SUSD6: variants seen among roughly 807,000 people sequenced by gnomAD.
The protein encoded by SUSD6 is sushi domain-containing protein 6.
SUSD6 carries 16 observed loss-of-function variants against 28.4 expected under a neutral mutation model. The ratio of observed to expected loss-of-function variants is 0.56; its 90% confidence interval spans 0.38 to 0.86. SUSD6 has a LOEUF of 0.86. SUSD6 is among the 40% of genes least tolerant of loss of function. The probability of loss-of-function intolerance (pLI) is 0.00; values close to 1 mark genes in which losing one functional copy is unlikely to be tolerated. For synonymous variants in SUSD6, 147 were observed against 159.6 expected, an observed-to-expected ratio of 0.92 and a Z score of 0.59; for missense variants, 341 against 384.2, an observed-to-expected ratio of 0.89 and a Z score of 0.94.
rs896266225 is a variant in SUSD6 at position 69,627,743 on chromosome 14, C to T, written c.-81+15915C>T. 4.6e-5 allele frequency among the ~76,000 whole-genome samples: 7 copies of T among 152,160 alleles called. No individual in the cohort carries two copies. The South Asian group carries it at 6.2e-4, about 14-fold the overall frequency. ...CCTCCCAAAGTGCTGGGATTACAGG[C>T]GTGAGCCACCGTGCCCGGCCCAGAT... On this transcript the variant is annotated intron_variant, in intron 1 of 5. Transcript: ENST00000342745.
chr14:69,671,462 G>T (rs531781026), intron 2 of SUSD6, among the ~76,000 whole-genome samples: 2 of 152,196 alleles, frequency 1.3e-5, no homozygotes, highest in Non-Finnish European at 2.9e-5. Context: ...CCTGGCCTCA[G>T]TTCAGCCAAC....
At chr14:69,644,953 A>G (rs917955362) in intron 1 of SUSD6, among the ~76,000 whole-genome samples, 2 of 152,162 alleles carry the variant, frequency 1.3e-5, no homozygotes, top group African/African-American at 4.8e-5. Flanking sequence ...CGGCAGGGGC[A>G]TGGGGCTAAT....
At chr14:69,690,608 C>T (rs1051037373) in intron 2 of SUSD6, among the ~76,000 whole-genome samples, 16 of 152,148 alleles carry the variant, frequency 1.1e-4, no homozygotes, top group African/African-American at 3.9e-4. Context: ...CCTCACTGTC[C>T]AGAATCAGTT....
intron 2 of SUSD6, among the ~76,000 whole-genome samples, chr14:69,680,717 G>A (rs765324561): frequency 6.6e-6 from 1 of 152,096 alleles, no homozygotes; most frequent in Non-Finnish European, 1.5e-5. Flanking sequence ...TGTGGTATGT[G>A]CCCCCAAAGC....
At chr14:69,672,468 A>G (rs1885847561) in intron 2 of SUSD6, among the ~76,000 whole-genome samples, 1 of 152,208 alleles carries the variant, frequency 6.6e-6, no homozygotes, top group Admixed American at 6.5e-5. Flanking sequence ...AAGGCTAAGA[A>G]GAGCAGCTTT....
intron 1 of SUSD6, among the ~76,000 whole-genome samples, chr14:69,640,309 A>G (rs1885332962): frequency 6.6e-6 from 1 of 151,810 alleles, no homozygotes; most frequent in African/African-American, 2.4e-5. Context: ...AAAAATTTAT[A>G]TATATATACA....
At position 69,641,197 on chromosome 14, in the gene SUSD6, G is replaced by GT. The variant is rs550962047; in HGVS notation, c.-80-17309dup. Among the ~76,000 whole-genome samples the GT allele has an allele frequency of 1.8e-3, 275 of 152,160 alleles. 2 individuals are homozygous for GT. The highest frequency in any genetic ancestry group is 6.2e-3 in the African/African-American group (257 of 41,490). ...TACTTTTAGGATTTTCTTTATCACT[G>GT]TTTTTTTAACATTTCGATTATGATG... On this transcript the variant is annotated intron_variant, in intron 1 of 5. Transcript: ENST00000342745.
chr14:69,685,690 G>C (rs1886062828), intron 2 of SUSD6, among the ~76,000 whole-genome samples: 1 of 152,204 alleles, frequency 6.6e-6, no homozygotes, highest in Admixed American at 6.5e-5. Flanking sequence ...CGGGCCTTTA[G>C]GGCCAGGAGA....
At chr14:69,620,184 T>C (rs965101069) in intron 1 of SUSD6, among the ~76,000 whole-genome samples, 3 of 152,248 alleles carry the variant, frequency 2.0e-5, no homozygotes, top group African/African-American at 7.2e-5. Context: ...GAAGACCGTC[T>C]GCCTCCTTGT....
At chr14:69,629,634 G>A (rs1482330289) in intron 1 of SUSD6, among the ~76,000 whole-genome samples, 2 of 152,214 alleles carry the variant, frequency 1.3e-5, no homozygotes, top group African/African-American at 2.4e-5. Context: ...AGTCGGAGCT[G>A]GGACTGGGAA....
At chr14:69,703,681 CTT>C in intron 3 of SUSD6, 89 bp downstream of exon 3, 1 of 1,258,618 alleles carries the variant, frequency 7.9e-7, no homozygotes, top group Non-Finnish European at 1.1e-6. Flanking sequence ...CCAGAGCACT[CTT>C]TGCTGTGGTG....
intron 2 of SUSD6, among the ~76,000 whole-genome samples, chr14:69,672,630 T>G (rs1175771819): frequency 6.6e-6 from 1 of 152,234 alleles, no homozygotes; most frequent in Non-Finnish European, 1.5e-5. Flanking sequence ...CCCTCTGATG[T>G]GTACCAGGAA....
intron 1 of SUSD6, among the ~76,000 whole-genome samples, chr14:69,638,039 T>C (rs1224264023): frequency 1.3e-5 from 2 of 152,210 alleles, no homozygotes; most frequent in East Asian, 3.8e-4. Context: ...TCTGTGTGTG[T>C]GCTTTGCCCT....
chr14:69,679,720 G>A lies in SUSD6; in HGVS notation c.121+21007G>A, dbSNP rs550828318. Among the ~76,000 whole-genome samples the A allele has an allele frequency of 2.0e-5, 3 of 152,188 alleles. No homozygotes were observed. In the South Asian group the frequency reaches 6.2e-4, roughly 32 times the overall value. ...GTGTAAAGGAACCTGAGAGCAAAGA[G>A]TTTGAGAACCACTATTATTTTACTA... is the stretch of plus-strand genomic sequence containing the variant. On this transcript the variant is annotated intron_variant, in intron 2 of 5. Coordinates refer to ENST00000342745, the MANE Select transcript of SUSD6 (RefSeq NM_014734.4).
intron 1 of SUSD6, among the ~76,000 whole-genome samples, chr14:69,632,478 TTTCTC>T (rs1885209477): frequency 6.6e-6 from 1 of 152,132 alleles, no homozygotes; most frequent in African/African-American, 2.4e-5. Context: ...TCCTTCCCCT[TTTCTC>T]TTCTTCCCAG....
intron 2 of SUSD6, among the ~76,000 whole-genome samples, chr14:69,702,620 G>A (rs750894403): frequency 6.6e-6 from 1 of 152,208 alleles, no homozygotes; most frequent in African/African-American, 2.4e-5. Context: ...AAAGAGCAGA[G>A]GTTTAGAATC....
chr14:69,664,770 C>T (rs1885714382), intron 2 of SUSD6, among the ~76,000 whole-genome samples: 1 of 152,182 alleles, frequency 6.6e-6, no homozygotes, highest in Admixed American at 6.5e-5. Flanking sequence ...CAATGGTGCC[C>T]CACTACCCTG....
At chr14:69,619,181 G>A (rs531529275) in intron 1 of SUSD6, among the ~76,000 whole-genome samples, 4 of 152,250 alleles carry the variant, frequency 2.6e-5, no homozygotes, top group South Asian at 2.1e-4. Flanking sequence ...GCAGGGTGTC[G>A]TGGTTCATAT....
intron 1 of SUSD6, chr14:69,615,672 G>A (rs1442565415): frequency 6.6e-6 from 1 of 152,214 alleles, no homozygotes; most frequent in Non-Finnish European, 1.5e-5. Context: ...TACTGTCAAG[G>A]CTTGGGACAG....
Sources: gnomAD v4.1 joint callset for allele counts (sites outside exome capture counted in the v4.1 genomes callset) on GRCh38, gnomAD v4.1.1 for gene constraint, MANE v1.5 for transcripts, NCBI Gene and HGNC (gene_info 2026-07-23, HGNC 2026-07-21) for gene names.